ST6GALNAC3: variants seen among roughly 807,000 people sequenced by gnomAD.
ST6GALNAC3 encodes ST6 N-acetylgalactosaminide alpha-2,6-sialyltransferase 3.
Under a neutral mutation model 32.7 loss-of-function variants are expected in ST6GALNAC3, and 25 were observed. The observed-to-expected ratio is 0.76, with a 90% CI of 0.56 to 1.07. The LOEUF is 1.07. Ranked by LOEUF, ST6GALNAC3 falls within the 50% of genes least tolerant of loss-of-function variation. The pLI is 0.00. For missense variants in ST6GALNAC3, 355 were observed against 382.4 expected (o/e 0.93, Z 0.60); for synonymous variants, 129 against 133.1 (o/e 0.97, Z 0.21).
At position 76,383,291 on chromosome 1, in the gene ST6GALNAC3, G is replaced by A. The variant is rs1651854947; in HGVS notation, c.214-28717G>A. On this transcript the variant is annotated intron_variant, in intron 2 of 4. Transcript: ENST00000328299. ...TATTTATTTTTTTTAAAGTTGTAGA[G>A]ACAGAGTCTTGCTCTGTCACCCAGT... 2.0e-5 allele frequency among the ~76,000 whole-genome samples: 3 copies of A among 152,012 alleles called. No homozygotes were observed. In the South Asian group the frequency reaches 6.2e-4, roughly 32 times the overall value.
At chr1:76,239,180 T>C (rs2100660953) in intron 1 of ST6GALNAC3, among the ~76,000 whole-genome samples, 1 of 152,190 alleles carries the variant, frequency 6.6e-6, no homozygotes, top group South Asian at 2.1e-4. Context: ...TCCAGCCTTA[T>C]TATCATCCTG....
In ST6GALNAC3 at chr1:76,246,275, C is replaced by T. The variant is rs182178512; in HGVS notation, c.19-67530C>T. ...TCCATTTGCTTGGTAAATATTCCTGCATCCCTTTATTTTGAGCCTATGTGT... is the reference window on the plus strand; with the variant it reads ...TCCATTTGCTTGGTAAATATTCCTGTATCCCTTTATTTTGAGCCTATGTGT... On this transcript the variant is annotated intron_variant, in intron 1 of 4. Transcript: ENST00000328299. Among the ~76,000 whole-genome samples, 61 of 152,248 alleles carry T rather than the reference C, an allele frequency of 4.0e-4. 1 individual carries two copies. The East Asian group carries it at 0.012, about 29-fold the overall frequency.
At chr1:76,574,379 G>A (rs765832671) in intron 3 of ST6GALNAC3, among the ~76,000 whole-genome samples, 2 of 151,990 alleles carry the variant, frequency 1.3e-5, no homozygotes, top group East Asian at 1.9e-4. Flanking sequence ...TATTAGGACC[G>A]TAGAATCTCA....
intron 1 of ST6GALNAC3, among the ~76,000 whole-genome samples, chr1:76,273,114 A>C (rs940131798): frequency 6.6e-6 from 1 of 152,212 alleles, no homozygotes; most frequent in Admixed American, 6.5e-5. Context: ...TTTGATAAAG[A>C]AGGTATTGCC....
chr1:76,348,968 T>A (rs1002088082), intron 2 of ST6GALNAC3, among the ~76,000 whole-genome samples: 1 of 152,136 alleles, frequency 6.6e-6, no homozygotes, highest in Non-Finnish European at 1.5e-5. Flanking sequence ...CTGTTTAAAA[T>A]TTTACAAAAG....
chr1:76,327,260 G>A (rs931968079), intron 2 of ST6GALNAC3, among the ~76,000 whole-genome samples: 2 of 150,202 alleles, frequency 1.3e-5, no homozygotes, highest in African/African-American at 2.5e-5. Flanking sequence ...CCAACAGGAT[G>A]TGTATGTATA....
intron 2 of ST6GALNAC3, among the ~76,000 whole-genome samples, chr1:76,381,803 A>C (rs1265581168): frequency 6.6e-6 from 1 of 152,190 alleles, no homozygotes; most frequent in Non-Finnish European, 1.5e-5. Flanking sequence ...AATATGAGGG[A>C]CCAAGATTCT....
chr1:76,111,853 C>T (rs1314295000), intron 1 of ST6GALNAC3, among the ~76,000 whole-genome samples: 24 of 151,968 alleles, frequency 1.6e-4, no homozygotes, highest in Admixed American at 3.9e-4. Context: ...TACACAGACA[C>T]GGCAACCATC....
chr1:76,285,872 C>T (rs934795083), intron 1 of ST6GALNAC3, among the ~76,000 whole-genome samples: 1 of 151,962 alleles, frequency 6.6e-6, no homozygotes, highest in African/African-American at 2.4e-5. Flanking sequence ...ACACACATGC[C>T]CACACACAAA....
chr1:76,361,088 G>A (rs1397381698), intron 2 of ST6GALNAC3, among the ~76,000 whole-genome samples: 1 of 151,842 alleles, frequency 6.6e-6, no homozygotes, highest in Non-Finnish European at 1.5e-5. Context: ...AAAAATTAAT[G>A]TAAAATTTAG....
intron 2 of ST6GALNAC3, among the ~76,000 whole-genome samples, chr1:76,335,400 C>G (rs1314077017): frequency 1.3e-5 from 2 of 151,420 alleles, no homozygotes; most frequent in South Asian, 2.1e-4. Context: ...TAGTAACCAG[C>G]CTGGGACAGG....
chr1:76,326,940 TA>T (rs2100943105), intron 2 of ST6GALNAC3, among the ~76,000 whole-genome samples: 1 of 151,964 alleles, frequency 6.6e-6, no homozygotes, highest in African/African-American at 2.4e-5. Flanking sequence ...CAAACAATAG[TA>T]AACAATACTG....
intron 2 of ST6GALNAC3, among the ~76,000 whole-genome samples, chr1:76,350,193 T>G (rs1648855601): frequency 6.6e-6 from 1 of 152,180 alleles, no homozygotes; most frequent in East Asian, 1.9e-4. Flanking sequence ...AGGTTATTTT[T>G]GATTTTTATT....
At chr1:76,391,599 C>CCCCTT (rs60405570) in intron 2 of ST6GALNAC3, among the ~76,000 whole-genome samples, 146,011 of 147,968 alleles carry the variant, frequency 0.99, 72,069 homozygotes, top group Middle Eastern at 1. Context: ...CCTTCCCCTT[C>CCCCTT]CCCTTCCCTT....
At chr1:76,200,623 T>G (rs1444795498) in intron 1 of ST6GALNAC3, among the ~76,000 whole-genome samples, 1 of 152,200 alleles carries the variant, frequency 6.6e-6, no homozygotes, top group Non-Finnish European at 1.5e-5. Context: ...TAGATAATAT[T>G]GGATGGTTTT....
intron 1 of ST6GALNAC3, among the ~76,000 whole-genome samples, chr1:76,198,136 C>G (rs1029513480): frequency 6.6e-6 from 1 of 152,154 alleles, no homozygotes. Context: ...TTCCCAGGCT[C>G]AAGTGATCCT....
chr1:76,448,385 A>G (rs566355482), intron 3 of ST6GALNAC3, among the ~76,000 whole-genome samples: 2 of 152,180 alleles, frequency 1.3e-5, no homozygotes, highest in East Asian at 3.9e-4. Context: ...CTCACATGAG[A>G]CGTTGGTCTA....
chr1:76,399,736 G>T (rs1653257480), intron 2 of ST6GALNAC3, among the ~76,000 whole-genome samples: 1 of 152,132 alleles, frequency 6.6e-6, no homozygotes, highest in African/African-American at 2.4e-5. Context: ...CTCCAAATAT[G>T]TAGATCCTTT....
chr1:76,356,810 A>G (rs377335681), intron 2 of ST6GALNAC3, among the ~76,000 whole-genome samples: 107 of 152,308 alleles, frequency 7.0e-4, no homozygotes, highest in Middle Eastern at 3.4e-3. Context: ...AACTATTATA[A>G]TAGCCACCAA....
Sources: gnomAD v4.1 joint callset for allele counts (sites outside exome capture counted in the v4.1 genomes callset) on GRCh38, gnomAD v4.1.1 for gene constraint, MANE v1.5 for transcripts, NCBI Gene and HGNC (gene_info 2026-07-23, HGNC 2026-07-21) for gene names.